SLC5A2: variants seen among roughly 807,000 people sequenced by gnomAD.
The protein encoded by SLC5A2 is solute carrier family 5 member 2.
In SLC5A2, 67 loss-of-function variants were observed where a neutral mutation model predicts 69.0. The ratio of observed to expected loss-of-function variants is 0.97; its 90% confidence interval spans 0.80 to 1.19. The LOEUF (loss-of-function observed/expected upper bound fraction) is 1.19. SLC5A2 is among the 50% of genes most tolerant of loss of function. SLC5A2 has a pLI of 0.00. For synonymous variants in SLC5A2, 455 were observed against 395.8 expected (o/e 1.15, Z -1.78); for missense variants, 1,001 against 921.5 (o/e 1.09, Z -1.12).
At position 31,488,751 on chromosome 16, in the gene SLC5A2, G is replaced by A. The variant is rs1047946655; in HGVS notation, c.1259G>A (p.Arg420His). The change falls in exon 10 of 14, where the codon CGC (arginine) becomes CAC (histidine). Residue 420 changes from arginine to histidine, a missense_variant. Physicochemically the swap from Arg to His is conservative, Grantham distance 29. Transcript: ENST00000330498. ...YTRLRPRAGD[R>H]ELLLVGRLWV... ...CGCCTGCGGCCACGCGCCGGCGACC[G>A]CGAGCTGCTGCTGGTGGGACGGTGC... The A allele has an allele frequency of 6.9e-6, 11 of 1,603,674 alleles. No individual in the cohort carries two copies. The highest frequency in any genetic ancestry group is 9.3e-6 in the Non-Finnish European group (11 of 1,177,184).
intron 1 of SLC5A2, among the ~76,000 whole-genome samples, chr16:31,484,355 A>C (rs763995164): frequency 1.3e-5 from 2 of 151,350 alleles, no homozygotes; most frequent in East Asian, 3.9e-4. Flanking sequence ...TGGGAGGTGG[A>C]GGTTGTAGTG....
Position 31,487,737 on chromosome 16 carries a change from G to T in SLC5A2, c.863G>T (p.Gly288Val). Residue 288 changes from glycine to valine, a missense_variant, in exon 7 of 14, where the codon GGC (glycine) becomes GTC (valine). Gly to Val is a moderately radical substitution (Grantham distance 109, BLOSUM62 -3). Transcript: ENST00000330498. Reference protein sequence around the residue: ...ALLLGLTIVSGWYWCSDQVIV... With the variant: ...ALLLGLTIVSVWYWCSDQVIV... The stretch of plus-strand genomic sequence containing the variant: ...CTCCTCGGACTCACAATCGTCTCGG[G>T]CTGGTACTGGTGCAGCGACCAGGTG... 1 of 1,611,200 alleles carries T rather than the reference G, an allele frequency of 6.2e-7. No individual in the cohort carries two copies.
At chr16:31,485,613 G>C (rs2082488529) in intron 3 of SLC5A2, 116 bp from the exon 4 acceptor site, 2 of 1,305,898 alleles carry the variant, frequency 1.5e-6, no homozygotes, top group East Asian at 4.6e-5. Flanking sequence ...TTGTCCTCTG[G>C]GCCCCAGATG....
At chr16:31,488,308 G>C in intron 8 of SLC5A2, 75 bp from the exon 9 acceptor site, 1 of 1,600,568 alleles carries the variant, frequency 6.2e-7, no homozygotes, top group Admixed American at 1.7e-5. Context: ...TCCTCTGCTA[G>C]GATTCCCAGT....
Position 31,490,417 on chromosome 16 carries a change from C to G in SLC5A2, c.1901C>G (p.Ala634Gly), listed in dbSNP as rs146166287. The change falls in exon 14 of 14, where the codon GCG (alanine) becomes GGG (glycine). Residue 634 changes from alanine to glycine, a missense_variant. Ala to Gly is a moderately conservative substitution (Grantham distance 60). Transcript: ENST00000330498. ...SPPPLTQEEA[A>G]AAARRLEDIS... ...CCGCCCCTTACCCAGGAGGAGGCAG[C>G]GGCAGCAGCCAGGCGGCTGGAGGAC... 1.2e-6 allele frequency: 2 copies of G among 1,613,416 alleles called. No homozygotes were observed. The highest frequency in any genetic ancestry group is 1.1e-5 in the South Asian group (1 of 90,962).
rs143372250 is a variant in SLC5A2 at position 31,485,668 on chromosome 16, G to A, written c.304-61G>A. 1.1e-3 allele frequency: 1,710 copies of A among 1,597,444 alleles called. 20 individuals are homozygous for A. The African/African-American group carries it at 0.02, about 19-fold the overall frequency. On this transcript the variant is annotated intron_variant, in intron 3 of 13. Coordinates refer to ENST00000330498, the MANE Select transcript of SLC5A2 (RefSeq NM_003041.4). ...TTGCTTGGAGTAGCACCTTCACGAA[G>A]AGGTCAGATCCTCAGGGATGAGGGC...
In SLC5A2 at chr16:31,484,669, C is replaced by T. The variant is rs1442136499; in HGVS notation, c.127-4C>T. On this transcript the variant is annotated splice_polypyrimidine_tract_variant and splice_region_variant and intron_variant, in intron 1 of 13. Transcript: ENST00000330498. ...CCCAGGTCTCCCCCGCCTCTGTCTCCCAGTCCATGTGCAGAACCAACAGAG... is the reference window on the plus strand; with the variant it reads ...CCCAGGTCTCCCCCGCCTCTGTCTCTCAGTCCATGTGCAGAACCAACAGAG... 2.5e-6 allele frequency: 4 copies of T among 1,606,952 alleles called. No homozygotes were observed. Among genetic ancestry groups the T allele is most frequent in the Admixed American group, 1.7e-5 (1 of 60,020 alleles).
At chr16:31,486,095 A>G (rs1302262920) in intron 4 of SLC5A2, 75 bp from the exon 5 acceptor site, 1 of 1,275,194 alleles carries the variant, frequency 7.8e-7, no homozygotes, top group African/African-American at 1.5e-5. Flanking sequence ...TGAGGCTAGT[A>G]GGGCATGGCC....
chr16:31,489,825 T>C (rs940805218), intron 12 of SLC5A2: 2 of 479,612 alleles, frequency 4.2e-6, no homozygotes, highest in Admixed American at 6.5e-5. Context: ...GCCAGGCCAG[T>C]GTCACAAGCG....
chr16:31,489,625 T>C (rs1239559046), intron 12 of SLC5A2: 7 of 552,800 alleles, frequency 1.3e-5, no homozygotes, highest in Non-Finnish European at 2.0e-5. Context: ...GTGGGCACAA[T>C]ACCATCTTGA....
chr16:31,488,806 C>T (rs762815002), intron 10 of SLC5A2, 34 bp downstream of exon 10: 1 of 1,600,374 alleles, frequency 6.2e-7, no homozygotes, highest in South Asian at 1.1e-5. Context: ...CCCAACGGAT[C>T]AGCCCGGGGC....
At chr16:31,489,727 G>T in intron 12 of SLC5A2, 1 of 447,848 alleles carries the variant, frequency 2.2e-6, no homozygotes, top group South Asian at 2.1e-5. Flanking sequence ...CAGGACAAGA[G>T]ATCTGGGTGT....
chr16:31,488,796 C>T (rs770066959), intron 10 of SLC5A2, 24 bp downstream of exon 10: 4 of 1,600,550 alleles, frequency 2.5e-6, no homozygotes, highest in East Asian at 4.5e-5. Context: ...TCCCCTCCTC[C>T]CCAACGGATC....
chr16:31,490,527 T>C lies in SLC5A2; in HGVS notation c.2011T>C (p.Tyr671His). The C allele has an allele frequency of 6.2e-7, 1 of 1,611,128 alleles. No homozygotes were observed. The highest frequency in any genetic ancestry group is 8.5e-7 in the Non-Finnish European group (1 of 1,178,520). Residue 671 changes from tyrosine (Y) to histidine (H), a missense_variant, in exon 14 of 14, where the codon TAT becomes CAT. Transcript: ENST00000330498. The stretch of plus-strand genomic sequence containing the variant: ...AGTGGCCGTGTTCCTCTGGGGCTTC[T>C]ATGCCTAAGACCAACTGCGTTGGAC... The part of the protein sequence containing the change: ...MAVAVFLWGF[Y>H]A
chr16:31,487,974 A>G (rs1397638559), intron 7 of SLC5A2, 64 bp from the exon 8 acceptor site: 2 of 1,600,972 alleles, frequency 1.2e-6, no homozygotes, highest in Non-Finnish European at 1.7e-6. Flanking sequence ...CACAGAGCGG[A>G]ACGGGGCGCG....
At position 31,488,396 on chromosome 16, in the gene SLC5A2, C is replaced by T. The variant is rs751751980; in HGVS notation, c.1035C>T (p.Cys345=). 6.2e-7 allele frequency: 1 copy of T among 1,611,248 alleles called. No individual in the cohort carries two copies. Among genetic ancestry groups the T allele is most frequent in the African/African-American group, 1.3e-5 (1 of 74,922 alleles). Reference sequence around the variant, plus strand: ...TCTCTCTGGCAGACGAGGTGGCGTGCGTGGTGCCTGAGGTGTGCAGGCGCG... The same window carrying T: ...TCTCTCTGGCAGACGAGGTGGCGTGTGTGGTGCCTGAGGTGTGCAGGCGCG... The part of the protein sequence containing the change: ...SRILYPDEVA[C]VVPEVCRRVC... Residue 345 remains cysteine (C), a synonymous_variant, in exon 9 of 14, where the codon TGC becomes TGT. Coordinates refer to ENST00000330498, the MANE Select transcript of SLC5A2 (RefSeq NM_003041.4).
At position 31,484,802 on chromosome 16, in the gene SLC5A2, C is replaced by T. The variant is rs1485726611; in HGVS notation, c.199-17C>T. 1.9e-6 allele frequency: 3 copies of T among 1,612,444 alleles called. No individual in the cohort carries two copies. Among genetic ancestry groups the T allele is most frequent in the Admixed American group, 3.3e-5 (2 of 60,028 alleles). On this transcript the variant is annotated splice_polypyrimidine_tract_variant and intron_variant, in intron 2 of 13. Coordinates refer to ENST00000330498, the MANE Select transcript of SLC5A2 (RefSeq NM_003041.4). Reference sequence around the variant, plus strand: ...CTGGAGAAGCAGCCCTGCTCACTCCCTCCTCTGGCCACCCAGGTTGGGGCC... The same window carrying T: ...CTGGAGAAGCAGCCCTGCTCACTCCTTCCTCTGGCCACCCAGGTTGGGGCC...
rs2082507964 is a variant in SLC5A2 at position 31,487,608 on chromosome 16, A to T, written c.734A>T (p.Asp245Val). Reference sequence around the variant, plus strand: ...GCGACTTCGCTGACGGTGTCCGAGGATCCAGCCGTGGGAAACATCTCCAGC... The same window carrying T: ...GCGACTTCGCTGACGGTGTCCGAGGTTCCAGCCGTGGGAAACATCTCCAGC... ...GAATSLTVSE[D>V]PAVGNISSFC... Residue 245 changes from aspartate (D) to valine (V), a missense_variant, in exon 7 of 14, where the codon GAT (aspartate) becomes GTT (valine). By Grantham distance (152) the Asp-to-Val change is radical. Coordinates refer to ENST00000330498, the MANE Select transcript of SLC5A2 (RefSeq NM_003041.4). The T allele has an allele frequency of 6.2e-7, 1 of 1,613,658 alleles. No individual in the cohort carries two copies. Among genetic ancestry groups the T allele is most frequent in the Admixed American group, 1.7e-5 (1 of 60,000 alleles).
At position 31,490,103 on chromosome 16, in the gene SLC5A2, G is replaced by A; in HGVS notation, c.1666-1G>A. On this transcript the variant is annotated splice_acceptor_variant, in intron 12 of 13. Transcript: ENST00000330498. LOFTEE classifies it high-confidence loss of function. ...CTCGTTCGTGCTCCCACCCTCCCCA[G>A]CTCCACCGCCTGGTCTTCAGTCTCC... 12 of 1,613,686 alleles carry A rather than the reference G, an allele frequency of 7.4e-6. No homozygotes were observed. The highest frequency in any genetic ancestry group is 1.0e-5 in the Non-Finnish European group (12 of 1,180,000).
Sources: gnomAD v4.1 joint callset for allele counts (sites outside exome capture counted in the v4.1 genomes callset) on GRCh38, gnomAD v4.1.1 for gene constraint, MANE v1.5 for transcripts, NCBI Gene and HGNC (gene_info 2026-07-23, HGNC 2026-07-21) for gene names.